The following DLC1 variants were observed in gnomAD, a reference collection of about 807,000 sequenced individuals.
DLC1 encodes the protein rho GTPase-activating protein 7.
A neutral mutation model predicts 140.3 loss-of-function variants in DLC1; 54 were observed. The observed-to-expected ratio is 0.38, with a 90% CI of 0.31 to 0.48. DLC1 has a LOEUF of 0.48. DLC1 is among the 20% of genes least tolerant of loss of function. The probability of loss-of-function intolerance (pLI) is 0.96; values close to 1 mark genes in which losing one functional copy is unlikely to be tolerated. For synonymous variants in DLC1, 986 were observed against 728.1 expected, an observed-to-expected ratio of 1.35 and a Z score of -5.70; for missense variants, 2,536 against 1,907.0, an observed-to-expected ratio of 1.33 and a Z score of -6.14.
chr8:13,445,241 G>C (rs1798724393), intron 2 of DLC1, among the ~76,000 whole-genome samples: 1 of 152,206 alleles, frequency 6.6e-6, no homozygotes, highest in South Asian at 2.1e-4. Context: ...AAGTCAGTGG[G>C]CAGTTGGCCA....
chr8:13,598,973 C>G (rs1805774637), intron 1 of DLC1, among the ~76,000 whole-genome samples: 2 of 151,684 alleles, frequency 1.3e-5, no homozygotes, highest in South Asian at 4.2e-4. Flanking sequence ...TAGTTATACT[C>G]TGAGAAAAAT....
intron 4 of DLC1, among the ~76,000 whole-genome samples, chr8:13,317,886 G>T (rs1832920270): frequency 6.6e-6 from 1 of 152,164 alleles, no homozygotes. Context: ...ACTAGGAAAA[G>T]TGATGGTAAG....
chr8:13,086,022 C>G, intron 17 of DLC1, 91 bp from the exon 18 acceptor site: 1 of 1,537,070 alleles, frequency 6.5e-7, no homozygotes, highest in Non-Finnish European at 8.7e-7. Flanking sequence ...AGTTCAAATG[C>G]ATAAAATCTA....
intron 5 of DLC1, among the ~76,000 whole-genome samples, chr8:13,244,800 TTTC>T (rs1202763221): frequency 6.6e-6 from 1 of 152,188 alleles, no homozygotes; most frequent in Non-Finnish European, 1.5e-5. Context: ...GACATATTTG[TTTC>T]TTATCACCTG....
At chr8:13,524,224 G>A (rs1319688283) in intron 1 of DLC1, among the ~76,000 whole-genome samples, 2 of 150,902 alleles carry the variant, frequency 1.3e-5, no homozygotes, top group African/African-American at 2.4e-5. Context: ...TGCAAACTCC[G>A]CCTTCAGGGT....
chr8:13,309,188 A>G (rs1054469882), intron 4 of DLC1, among the ~76,000 whole-genome samples: 1 of 152,206 alleles, frequency 6.6e-6, no homozygotes, highest in Non-Finnish European at 1.5e-5. Context: ...CAATAAAGCA[A>G]TTAAATAGGA....
At chr8:13,348,296 C>A (rs73566449) in intron 4 of DLC1, among the ~76,000 whole-genome samples, 1,698 of 152,174 alleles carry the variant, frequency 0.011, 33 homozygotes, top group African/African-American at 0.039. Context: ...GCTGGAGTTT[C>A]AGATATATTA....
At chr8:13,435,349 T>C (rs1436324020) in intron 2 of DLC1, among the ~76,000 whole-genome samples, 1 of 152,178 alleles carries the variant, frequency 6.6e-6, no homozygotes, top group Non-Finnish European at 1.5e-5. Flanking sequence ...GTTTCACTCT[T>C]GTTGCCCAGG....
At chr8:13,211,132 G>GACAGTTTATAA (rs1827921331) in intron 5 of DLC1, among the ~76,000 whole-genome samples, 2 of 152,252 alleles carry the variant, frequency 1.3e-5, no homozygotes, top group East Asian at 3.9e-4. Flanking sequence ...ACAGTGCCAC[G>GACAGTTTATAA]ACAGTTTATA....
At chr8:13,553,934 G>T (rs781363746) in intron 1 of DLC1, among the ~76,000 whole-genome samples, 1 of 152,006 alleles carries the variant, frequency 6.6e-6, no homozygotes, top group Non-Finnish European at 1.5e-5. Flanking sequence ...CTCTTTGTCT[G>T]CGCCCTTTGC....
At chr8:13,482,519 G>A (rs1351248653) in intron 2 of DLC1, among the ~76,000 whole-genome samples, 2 of 152,056 alleles carry the variant, frequency 1.3e-5, no homozygotes, top group Non-Finnish European at 2.9e-5. Context: ...CAGGAATCTT[G>A]ACTTCTTAAA....
At chr8:13,173,368 CTTTTTTTTTT>C (rs35778236) in intron 5 of DLC1, among the ~76,000 whole-genome samples, 1 of 103,510 alleles carries the variant, frequency 9.7e-6, no homozygotes, top group Non-Finnish European at 1.8e-5. Flanking sequence ...GTTCTGCCCT[CTTTTTTTTTT>C]TTTTTTTTTT....
intron 5 of DLC1, among the ~76,000 whole-genome samples, chr8:13,277,027 A>T (rs986888956): frequency 1.3e-5 from 2 of 152,164 alleles, no homozygotes; most frequent in South Asian, 2.1e-4. Flanking sequence ...CCCTCTAAGA[A>T]ATGGAGACCT....
rs994259176 is a variant in DLC1, at chr8:13,369,748, C to G, written c.1314+23805G>C. Among the ~76,000 whole-genome samples the G allele has an allele frequency of 5.9e-5, 9 of 152,150 alleles. No homozygotes were observed. The South Asian group carries it at 1.0e-3, about 18-fold the overall frequency. On this transcript the variant is annotated intron_variant, in intron 4 of 17. Coordinates refer to ENST00000276297, the MANE Select transcript of DLC1 (RefSeq NM_182643.3). ...CTGGCCTGGAGGGTTACACTTGCCT[C>G]CTGCCTGGTCTCCTGGATCCCCCTT...
intron 5 of DLC1, among the ~76,000 whole-genome samples, chr8:13,219,938 C>T (rs558269326): frequency 6.0e-4 from 92 of 152,226 alleles, no homozygotes; most frequent in African/African-American, 1.8e-3. Context: ...TACATACTGT[C>T]TTAATTCCAC....
chr8:13,314,028 C>G (rs75240290), intron 4 of DLC1, among the ~76,000 whole-genome samples: 1 of 152,114 alleles, frequency 6.6e-6, no homozygotes, highest in Non-Finnish European at 1.5e-5. Flanking sequence ...TGGAAGTGAT[C>G]CCTGTACCAG....
At chr8:13,271,083 CT>C (rs1830914251) in intron 5 of DLC1, among the ~76,000 whole-genome samples, 1 of 152,190 alleles carries the variant, frequency 6.6e-6, no homozygotes, top group Admixed American at 6.5e-5. Context: ...CAAAGCCACC[CT>C]TGACATCAAC....
intron 5 of DLC1, among the ~76,000 whole-genome samples, chr8:13,191,440 A>G (rs1826748805): frequency 6.6e-6 from 1 of 152,218 alleles, no homozygotes; most frequent in Non-Finnish European, 1.5e-5. Flanking sequence ...TGGGAGGCTG[A>G]GGTTGCAATG....
At chr8:13,311,624 A>C (rs1236604220) in intron 4 of DLC1, among the ~76,000 whole-genome samples, 2 of 152,206 alleles carry the variant, frequency 1.3e-5, no homozygotes, top group African/African-American at 4.8e-5. Flanking sequence ...TAAATCACTG[A>C]CTTTAACAAC....
Sources: gnomAD v4.1 joint callset for allele counts (sites outside exome capture counted in the v4.1 genomes callset) on GRCh38, gnomAD v4.1.1 for gene constraint, MANE v1.5 for transcripts, NCBI Gene and HGNC (gene_info 2026-07-23, HGNC 2026-07-21) for gene names.